The following CCDC192 variants were observed in gnomAD, a reference collection of about 807,000 sequenced individuals.
The protein encoded by CCDC192 is coiled-coil domain containing 192.
At chr5:127,807,351 T>G (rs994781581) in intron 5 of CCDC192, among the ~76,000 whole-genome samples, 2 of 152,212 alleles carry the variant, frequency 1.3e-5, no homozygotes, top group African/African-American at 4.8e-5. Context: ...AAGAGAATCC[T>G]GTCATGTCCT....
intron 2 of CCDC192, among the ~76,000 whole-genome samples, chr5:127,733,719 T>G (rs1180309300): frequency 6.6e-6 from 1 of 152,124 alleles, no homozygotes; most frequent in Non-Finnish European, 1.5e-5. Flanking sequence ...TCCCTGAATC[T>G]GAGATATTAC....
chr5:127,831,905 G>A (rs916082510), intron 5 of CCDC192, among the ~76,000 whole-genome samples: 3 of 151,792 alleles, frequency 2.0e-5, no homozygotes, highest in Non-Finnish European at 4.4e-5. Context: ...AACATTAATT[G>A]CAAGTTTTTT....
intron 3 of CCDC192, among the ~76,000 whole-genome samples, chr5:127,763,728 C>T (rs929610978): frequency 6.6e-6 from 1 of 152,140 alleles, no homozygotes; most frequent in African/African-American, 2.4e-5. Flanking sequence ...ATCATATCCT[C>T]TCTCACCTTT....
chr5:127,748,926 T>G (rs568208616), intron 2 of CCDC192, among the ~76,000 whole-genome samples: 80 of 152,084 alleles, frequency 5.3e-4, no homozygotes, highest in Admixed American at 2.1e-3. Context: ...TGTTGGTGTA[T>G]AGGAATGCCT....
chr5:127,926,469 G>T (rs993699706), intron 6 of CCDC192, among the ~76,000 whole-genome samples: 1 of 152,168 alleles, frequency 6.6e-6, no homozygotes. Context: ...TTGTGAAAGA[G>T]AATTATAAGG....
intron 6 of CCDC192, among the ~76,000 whole-genome samples, chr5:127,924,532 AGCC>A (rs1753814046): frequency 1.3e-5 from 2 of 152,236 alleles, no homozygotes; most frequent in African/African-American, 4.8e-5. Flanking sequence ...TATCTTTTAA[AGCC>A]AGGAATATTC....
intron 6 of CCDC192, among the ~76,000 whole-genome samples, chr5:127,934,005 C>T (rs1202343093): frequency 6.6e-6 from 1 of 152,208 alleles, no homozygotes; most frequent in African/African-American, 2.4e-5. Context: ...GATATGCAGG[C>T]ACCACAACTT....
chr5:127,721,758 G>C (rs957768581), intron 2 of CCDC192, among the ~76,000 whole-genome samples: 2 of 152,216 alleles, frequency 1.3e-5, no homozygotes, highest in African/African-American at 4.8e-5. Flanking sequence ...CAGGAAGCAT[G>C]GCTGTGGAGG....
chr5:127,711,657 T>C (rs1163282377), intron 2 of CCDC192, among the ~76,000 whole-genome samples: 3 of 152,170 alleles, frequency 2.0e-5, no homozygotes, highest in Non-Finnish European at 4.4e-5. Flanking sequence ...AACTTTCAAA[T>C]CGTTAATGAA....
At chr5:127,877,067 A>G (rs1752111004) in intron 6 of CCDC192, among the ~76,000 whole-genome samples, 1 of 152,240 alleles carries the variant, frequency 6.6e-6, no homozygotes, top group Non-Finnish European at 1.5e-5. Flanking sequence ...ATGATTGTAG[A>G]GCACATTGGA....
intron 2 of CCDC192, among the ~76,000 whole-genome samples, chr5:127,734,358 G>T (rs1752838382): frequency 6.6e-6 from 1 of 151,870 alleles, no homozygotes; most frequent in Non-Finnish European, 1.5e-5. Flanking sequence ...CCAAGTCTTT[G>T]CTATTGGGAA....
chr5:127,893,169 A>G (rs1358094173), intron 6 of CCDC192, among the ~76,000 whole-genome samples: 2 of 151,972 alleles, frequency 1.3e-5, no homozygotes, highest in Non-Finnish European at 2.9e-5. Context: ...GGTCCAGACA[A>G]CCCTCTCTCC....
intron 2 of CCDC192, among the ~76,000 whole-genome samples, chr5:127,747,559 A>G (rs1753848109): frequency 6.6e-6 from 1 of 151,926 alleles, no homozygotes; most frequent in Non-Finnish European, 1.5e-5. Context: ...TAATGCCGCA[A>G]TAAACATACG....
chr5:127,762,107 T>G (rs1362893291), intron 3 of CCDC192, among the ~76,000 whole-genome samples: 1 of 152,212 alleles, frequency 6.6e-6, no homozygotes, highest in Non-Finnish European at 1.5e-5. Context: ...GATGTCAAGT[T>G]TATTTGAAAT....
intron 5 of CCDC192, among the ~76,000 whole-genome samples, chr5:127,828,198 C>T (rs1398401005): frequency 3.3e-5 from 5 of 152,216 alleles, no homozygotes; most frequent in East Asian, 1.9e-4. Flanking sequence ...TGAGCCACCA[C>T]GCCTGGCAAT....
intron 2 of CCDC192, among the ~76,000 whole-genome samples, chr5:127,752,285 G>GT: frequency 6.6e-6 from 1 of 152,230 alleles, no homozygotes; most frequent in East Asian, 1.9e-4. Context: ...GTTCAGATGG[G>GT]TTTTTGGTGT....
intron 2 of CCDC192, among the ~76,000 whole-genome samples, chr5:127,731,750 A>G (rs1438165359): frequency 1.3e-5 from 2 of 152,214 alleles, no homozygotes; most frequent in Non-Finnish European, 2.9e-5. Context: ...AAAAATAAGC[A>G]ATGAGGAAAG....
chr5:127,856,621 T>C (rs192729116), intron 5 of CCDC192, among the ~76,000 whole-genome samples: 55 of 152,346 alleles, frequency 3.6e-4, no homozygotes, highest in Admixed American at 2.9e-3. Flanking sequence ...ATTTCTGGCT[T>C]TTGATTTAAA....
upstream of CCDC192, among the ~76,000 whole-genome samples, chr5:127,702,477 A>C (rs1750747730): frequency 6.6e-6 from 1 of 152,112 alleles, no homozygotes; most frequent in South Asian, 2.1e-4. Flanking sequence ...GGTCACTTGA[A>C]GTTTTGTTGA....
Sources: gnomAD v4.1 joint callset for allele counts (sites outside exome capture counted in the v4.1 genomes callset) on GRCh38, gnomAD v4.1.1 for gene constraint, MANE v1.5 for transcripts, NCBI Gene and HGNC (gene_info 2026-07-23, HGNC 2026-07-21) for gene names.